Variants in MYT1L observed in about 807,000 individuals in gnomAD.
The protein encoded by MYT1L is myelin transcription factor 1 like, also known as myelin transcription factor 1-like protein.
A neutral mutation model predicts 126.7 loss-of-function variants in MYT1L; 12 were observed. The ratio of observed to expected loss-of-function variants is 0.09; its 90% CI spans 0.06 to 0.15. The LOEUF is 0.15. MYT1L is among the 10% of genes least tolerant of loss of function. The pLI is 1.00. For synonymous variants in MYT1L, 541 were observed against 604.2 expected, an observed-to-expected ratio of 0.90 and a Z score of 1.53; for missense variants, 979 against 1,585.2, an observed-to-expected ratio of 0.62 and a Z score of 6.49.
intron 2 of MYT1L, among the ~76,000 whole-genome samples, chr2:2,236,740 A>G (rs1427811816): frequency 1.3e-5 from 2 of 150,602 alleles, no homozygotes; most frequent in African/African-American, 4.9e-5. Flanking sequence ...AAACTGGTGA[A>G]GACTCATTGG....
In MYT1L at chr2:2,265,645, G is replaced by C. The variant is rs533353378; in HGVS notation, c.-421+18759C>G. Among the ~76,000 whole-genome samples, 34 of 152,258 alleles carry C rather than the reference G, an allele frequency of 2.2e-4. No homozygotes were observed. The South Asian group carries it at 6.6e-3, about 30-fold the overall frequency. On this transcript the variant is annotated intron_variant, in intron 2 of 24. Transcript: ENST00000647738. Reference sequence around the variant, plus strand: ...TTCATTGTTTAAGAGCATGGGCCTTGAGGTTGTGACCGTGAGAAAGATTAT... The same window carrying C: ...TTCATTGTTTAAGAGCATGGGCCTTCAGGTTGTGACCGTGAGAAAGATTAT...
intron 2 of MYT1L, among the ~76,000 whole-genome samples, chr2:2,176,085 G>C (rs2090733487): frequency 6.6e-6 from 1 of 152,196 alleles, no homozygotes; most frequent in South Asian, 2.1e-4. Flanking sequence ...GTGCTCATGA[G>C]ACAGTCACTC....
intron 3 of MYT1L, among the ~76,000 whole-genome samples, chr2:2,116,648 T>C (rs2080242920): frequency 6.6e-6 from 1 of 152,262 alleles, no homozygotes; most frequent in Non-Finnish European, 1.5e-5. Context: ...ATTGATGCCA[T>C]CTGACTTGCA....
intron 2 of MYT1L, among the ~76,000 whole-genome samples, chr2:2,181,544 T>C (rs567891034): frequency 9.9e-4 from 151 of 152,128 alleles, no homozygotes; most frequent in African/African-American, 3.4e-3. Flanking sequence ...GTGCTATGAG[T>C]TTAACTTAAA....
At chr2:1,895,021 A>G (rs892131039) in intron 14 of MYT1L, among the ~76,000 whole-genome samples, 2 of 152,230 alleles carry the variant, frequency 1.3e-5, no homozygotes, top group Non-Finnish European at 2.9e-5. Context: ...TCAGTATCTT[A>G]TCAATTAGAA....
chr2:1,905,815 T>G (rs2050976959), intron 13 of MYT1L, among the ~76,000 whole-genome samples: 1 of 152,236 alleles, frequency 6.6e-6, no homozygotes, highest in Admixed American at 6.5e-5. Context: ...AGGAAACTCT[T>G]TGGCAACTGA....
chr2:1,861,682 C>T (rs1032825856), intron 18 of MYT1L, among the ~76,000 whole-genome samples: 257 of 112,332 alleles, frequency 2.3e-3, no homozygotes, highest in Non-Finnish European at 3.2e-3. Flanking sequence ...GATCCTCCTA[C>T]GGCCTGTGTA....
At chr2:2,132,445 G>A (rs1036514170) in intron 3 of MYT1L, among the ~76,000 whole-genome samples, 14 of 152,064 alleles carry the variant, frequency 9.2e-5, no homozygotes, top group African/African-American at 2.4e-4. Context: ...GGATGAAGCT[G>A]GAAACCATCA....
intron 9 of MYT1L, among the ~76,000 whole-genome samples, chr2:1,924,859 C>T (rs1189779614): frequency 1.3e-5 from 2 of 152,188 alleles, no homozygotes; most frequent in African/African-American, 4.8e-5. Flanking sequence ...AAGTATTAAT[C>T]TCCAACATAC....
At chr2:1,799,378 G>A (rs113018277) in intron 23 of MYT1L, among the ~76,000 whole-genome samples, 6,967 of 152,238 alleles carry the variant, frequency 0.046, 202 homozygotes, top group South Asian at 0.1. Flanking sequence ...TTGTTCTTTA[G>A]GGCTCAGATC....
intron 8 of MYT1L, among the ~76,000 whole-genome samples, chr2:1,961,271 C>T (rs1046969817): frequency 3.3e-5 from 5 of 152,152 alleles, no homozygotes; most frequent in Admixed American, 6.5e-5. Flanking sequence ...GCAATGTATC[C>T]GTGTCACAAA....
In MYT1L at chr2:2,101,243, T is replaced by C. The variant is rs73911350; in HGVS notation, c.-303-47120A>G. Among the ~76,000 whole-genome samples, 1,307 of 152,300 alleles carry C rather than the reference T, an allele frequency of 8.6e-3. 21 individuals carry two copies. Among genetic ancestry groups the C allele is most frequent in the African/African-American group, 0.026 (1,093 of 41,548 alleles). On this transcript the variant is annotated intron_variant, in intron 3 of 24. Transcript: ENST00000647738. ...GTAGTAGATACTTTTTTCTCACCAA[T>C]TGGCAGATCTCACCAGCACTAACTC...
intron 18 of MYT1L, among the ~76,000 whole-genome samples, chr2:1,861,971 T>TC (rs2044723958): frequency 6.6e-6 from 1 of 152,224 alleles, no homozygotes; most frequent in African/African-American, 2.4e-5. Context: ...TAATCCTGGA[T>TC]CTGCCTGCAG....
At chr2:2,001,190 T>C (rs1031792982) in intron 4 of MYT1L, among the ~76,000 whole-genome samples, 2 of 151,434 alleles carry the variant, frequency 1.3e-5, no homozygotes, top group African/African-American at 2.4e-5. Context: ...GAATTTCTAC[T>C]ACTAAATGGA....
intron 2 of MYT1L, among the ~76,000 whole-genome samples, chr2:2,243,297 A>G (rs903794930): frequency 6.6e-6 from 1 of 152,230 alleles, no homozygotes; most frequent in African/African-American, 2.4e-5. Flanking sequence ...CCATTCAAAG[A>G]TATTCTTGGT....
chr2:2,153,890 G>A (rs993878202), intron 3 of MYT1L, among the ~76,000 whole-genome samples: 4 of 152,086 alleles, frequency 2.6e-5, no homozygotes, highest in South Asian at 2.1e-4. Context: ...AGGAACCCCC[G>A]GGTGCAGCGT....
At chr2:1,835,813 C>G (rs576458985) in intron 21 of MYT1L, among the ~76,000 whole-genome samples, 1 of 152,252 alleles carries the variant, frequency 6.6e-6, no homozygotes, top group Non-Finnish European at 1.5e-5. Context: ...GGAGGAATAT[C>G]AACATTTCCG....
At chr2:2,188,970 T>G (rs1198232278) in intron 2 of MYT1L, among the ~76,000 whole-genome samples, 1 of 152,164 alleles carries the variant, frequency 6.6e-6, no homozygotes, top group Non-Finnish European at 1.5e-5. Flanking sequence ...TGAGCGTGTT[T>G]ACTCTGCGAG....
chr2:1,883,876 G>GT (rs930684856), intron 18 of MYT1L: 1 of 152,222 alleles, frequency 6.6e-6, no homozygotes, highest in African/African-American at 2.4e-5. Context: ...CAGAGTTGGA[G>GT]TAAGATTCAG....
Sources: allele counts gnomAD v4.1 joint callset (sites outside exome capture counted in the v4.1 genomes callset), GRCh38; gene constraint gnomAD v4.1.1; transcripts MANE v1.5; gene names NCBI Gene and HGNC (gene_info 2026-07-23, HGNC 2026-07-21).